The following REPS2 variants were observed in gnomAD, a reference collection of about 807,000 sequenced individuals.
REPS2 encodes RALBP1 associated Eps domain containing 2.
In REPS2, 23 loss-of-function variants were observed where a neutral mutation model predicts 53.6. That is an observed-to-expected ratio of 0.43 (90% CI 0.31 to 0.61). The LOEUF (loss-of-function observed/expected upper bound fraction) is 0.61, where lower values mean the gene tolerates loss of function less well. Among genes scored for constraint, REPS2 ranks in the 20% least tolerant of loss-of-function variants. The pLI is 0.11. For synonymous variants in REPS2, 238 were observed against 218.6 expected (o/e 1.09, Z -0.78); for missense variants, 446 against 534.9 (o/e 0.83, Z 1.64).
At chrX:17,145,081 C>T in intron 17 of REPS2, among the ~76,000 whole-genome samples, 1 of 112,080 alleles carries the variant, frequency 8.9e-6, no homozygotes, top group Non-Finnish European at 1.9e-5. Flanking sequence ...AAGTCATTTA[C>T]CATTCACCAG....
chrX:17,122,028 G>A (rs1292698946), intron 14 of REPS2, among the ~76,000 whole-genome samples: 1 of 111,615 alleles, frequency 9.0e-6, no homozygotes, highest in African/African-American at 3.3e-5. Flanking sequence ...AGGATTACAG[G>A]CGTGAGCCAC....
intron 1 of REPS2, among the ~76,000 whole-genome samples, chrX:16,982,103 A>G (rs996967762): frequency 1.8e-5 from 2 of 111,907 alleles, no homozygotes; most frequent in African/African-American, 3.3e-5. Context: ...TTCACTTAGC[A>G]TAATGTTTTT....
At chrX:17,053,240 T>C (rs1432105225) in intron 7 of REPS2, among the ~76,000 whole-genome samples, 1 of 112,414 alleles carries the variant, frequency 8.9e-6, no homozygotes, top group East Asian at 2.8e-4. Flanking sequence ...ATTGGAAAAC[T>C]ACTCCAATAA....
chrX:17,185,940 C>G, the REPS2 span, among the ~76,000 whole-genome samples: 1 of 110,678 alleles, frequency 9.0e-6, no homozygotes, highest in Non-Finnish European at 1.9e-5. Context: ...GGCTCTGTGT[C>G]CTATCTAAAG....
chrX:17,054,752 A>T (rs989359175), intron 7 of REPS2, 56 bp from the exon 8 acceptor site: 9 of 1,172,284 alleles, frequency 7.7e-6, no homozygotes, highest in Non-Finnish European at 1.0e-5. Context: ...CGTTTGGGCC[A>T]AGTAACTTGT....
chrX:17,158,345 A>G, the REPS2 span, among the ~76,000 whole-genome samples: 1 of 112,006 alleles, frequency 8.9e-6, no homozygotes, highest in South Asian at 3.7e-4. Context: ...AAAAAAAGCC[A>G]TCATAATTCA....
chrX:16,970,981 G>A (rs2060884872), intron 1 of REPS2, among the ~76,000 whole-genome samples: 1 of 112,502 alleles, frequency 8.9e-6, no homozygotes, highest in Non-Finnish European at 1.9e-5. Context: ...GTGGACATAT[G>A]TTTTTATTTC....
At chrX:17,134,045 G>C in intron 15 of REPS2, 138 bp downstream of exon 15, 2 of 506,228 alleles carry the variant, frequency 4.0e-6, no homozygotes, top group Non-Finnish European at 6.8e-6. Context: ...CTAGAATGTG[G>C]GTTCTTTGTG....
At chrX:17,066,228 C>A (rs2062223536) in intron 9 of REPS2, among the ~76,000 whole-genome samples, 1 of 111,590 alleles carries the variant, frequency 9.0e-6, no homozygotes, top group Admixed American at 9.5e-5. Flanking sequence ...CTTTTTTCTT[C>A]TTTTTCAAGA....
intron 4 of REPS2, among the ~76,000 whole-genome samples, chrX:17,026,594 C>T (rs1009720083): frequency 9.1e-6 from 1 of 109,486 alleles, no homozygotes; most frequent in Non-Finnish European, 1.9e-5. Context: ...CTTTTCTGTT[C>T]CTCCTCCTTA....
chrX:17,130,351 T>C (rs2063275647), intron 14 of REPS2, among the ~76,000 whole-genome samples: 1 of 111,872 alleles, frequency 8.9e-6, no homozygotes, highest in African/African-American at 3.3e-5. Flanking sequence ...ATCTTGGGGA[T>C]TGACCTTAGT....
At chrX:17,049,035 A>G (rs751931036) in intron 6 of REPS2, among the ~76,000 whole-genome samples, 1 of 110,561 alleles carries the variant, frequency 9.0e-6, no homozygotes, top group South Asian at 3.9e-4. Flanking sequence ...AGCTGGGACT[A>G]CAGGTGCATG....
chrX:17,026,593 T>C (rs2061648479), intron 4 of REPS2, among the ~76,000 whole-genome samples: 2 of 110,111 alleles, frequency 1.8e-5, no homozygotes, highest in African/African-American at 6.6e-5. Context: ...ACTTTTCTGT[T>C]CCTCCTCCTT....
At chrX:17,127,241 C>T (rs1303227987) in intron 14 of REPS2, among the ~76,000 whole-genome samples, 1 of 112,123 alleles carries the variant, frequency 8.9e-6, no homozygotes, top group Non-Finnish European at 1.9e-5. Flanking sequence ...TCTTTTTCAG[C>T]ATTCGAATTA....
chrX:17,030,665 G>A (rs924452051), intron 5 of REPS2, among the ~76,000 whole-genome samples: 2 of 112,210 alleles, frequency 1.8e-5, no homozygotes, highest in South Asian at 7.4e-4. Context: ...TTAGCCATAG[G>A]CTATTTTTTA....
intron 5 of REPS2, among the ~76,000 whole-genome samples, chrX:17,032,003 C>G (rs1178214974): frequency 9.0e-6 from 1 of 111,707 alleles, no homozygotes; most frequent in Non-Finnish European, 1.9e-5. Context: ...GGTCAAGGTT[C>G]CTCAGTCTCT....
At chrX:17,060,112 G>A (rs1433480845) in intron 8 of REPS2, among the ~76,000 whole-genome samples, 1 of 110,010 alleles carries the variant, frequency 9.1e-6, no homozygotes, top group Non-Finnish European at 1.9e-5. Context: ...ACCAGCCTGG[G>A]CAGCATGGTG....
intron 2 of REPS2, among the ~76,000 whole-genome samples, chrX:17,014,209 A>C (rs1416382384): frequency 1.8e-5 from 2 of 111,669 alleles, no homozygotes; most frequent in Non-Finnish European, 3.8e-5. Flanking sequence ...TAGAGGAGGT[A>C]AGTTGGAAGA....
At chrX:17,074,196 T>A (rs376410889) in intron 12 of REPS2, 37 bp downstream of exon 12, 1 of 1,147,385 alleles carries the variant, frequency 8.7e-7, no homozygotes, top group Non-Finnish European at 1.2e-6. Flanking sequence ...ATGCCCTTTG[T>A]GCCGTGCCCC....
Sources: gnomAD v4.1 joint callset for allele counts (sites outside exome capture counted in the v4.1 genomes callset) on GRCh38, gnomAD v4.1.1 for gene constraint, MANE v1.5 for transcripts, NCBI Gene and HGNC (gene_info 2026-07-23, HGNC 2026-07-21) for gene names.